The following SETD1A variants were observed in gnomAD, a reference collection of about 807,000 sequenced individuals.
The protein encoded by SETD1A is SET domain containing 1A, histone lysine methyltransferase.
A neutral mutation model predicts 149.9 loss-of-function variants in SETD1A; 29 were observed. The ratio of observed to expected loss-of-function variants is 0.19; its 90% CI spans 0.14 to 0.26. The LOEUF (loss-of-function observed/expected upper bound fraction) is 0.26. Among genes scored for constraint, SETD1A ranks in the 10% least tolerant of loss-of-function variants. The pLI is 1.00. For synonymous variants in SETD1A, 1,141 were observed against 968.5 expected (o/e 1.18, Z -3.31); for missense variants, 2,109 against 2,353.1 (o/e 0.90, Z 2.15).
rs1015848250 is a variant in SETD1A, at chr16:30,968,799, C to CA, written c.2771-495dup. Reference sequence around the variant, plus strand: ...CTGGCGACAAAGCGAGACTCCGTCTCAAAAAAAAAAATATATATATATATG... The same window carrying CA: ...CTGGCGACAAAGCGAGACTCCGTCTCAAAAAAAAAAAATATATATATATATG... On this transcript the variant is annotated intron_variant, in intron 10 of 18. Coordinates refer to ENST00000262519, the MANE Select transcript of SETD1A (RefSeq NM_014712.3). Among the ~76,000 whole-genome samples, 53 of 142,628 alleles carry CA rather than the reference C, an allele frequency of 3.7e-4. 1 individual carries two copies. Among genetic ancestry groups the CA allele is most frequent in the Middle Eastern group, 7.1e-3 (2 of 280 alleles). The allele number at this position is 142,628 out of a possible 152,430, so 93.6% of individuals were successfully genotyped here.
Position 30,966,987 on chromosome 16 carries a change from G to C in SETD1A, c.2609G>C (p.Gly870Ala). The C allele has an allele frequency of 6.3e-7, 1 of 1,595,844 alleles. No homozygotes were observed. The highest frequency in any genetic ancestry group is 8.5e-7 in the Non-Finnish European group (1 of 1,171,922). ...TCCCTCGTGGACTGGGCCAAGAGCG[G>C]GGGCACTACGGGCATCGAGGCTTTC... ...LLSLVDWAKS[G>A]GTTGIEAFAF... Residue 870 changes from glycine to alanine, a missense_variant, in exon 9 of 19, where the codon GGG becomes GCG. Transcript: ENST00000262519.
chr16:30,972,484 A>G (rs1243415931), intron 13 of SETD1A, among the ~76,000 whole-genome samples: 1 of 151,940 alleles, frequency 6.6e-6, no homozygotes, highest in Non-Finnish European at 1.5e-5. Flanking sequence ...AAAAAATACA[A>G]AAAATTAGCC....
intron 8 of SETD1A, 151 bp downstream of exon 8, chr16:30,966,537 G>A: frequency 8.1e-7 from 1 of 1,230,182 alleles, no homozygotes; most frequent in Non-Finnish European, 1.1e-6. Flanking sequence ...GGTGGGCAGG[G>A]GAGTTGAGGG....
rs1179678834 is a variant in SETD1A at position 30,980,958 on chromosome 16, G to A, written c.4693-103G>A. 3.8e-6 allele frequency: 6 copies of A among 1,576,744 alleles called. No individual in the cohort carries two copies. The East Asian group carries it at 1.1e-4, about 29-fold the overall frequency. On this transcript the variant is annotated intron_variant, in intron 16 of 18. Coordinates refer to ENST00000262519, the MANE Select transcript of SETD1A (RefSeq NM_014712.3). The surrounding 1 kb of genome is among the most constrained non-coding windows in gnomAD (Gnocchi z 7.7). ...TGTGGTTCCCTCGGGTGGAGTTGGG[G>A]GGTAAGCAGCCAGAACACCCTCTGC...
intron 13 of SETD1A, among the ~76,000 whole-genome samples, chr16:30,972,188 C>T (rs1020206567): frequency 6.6e-6 from 1 of 152,210 alleles, no homozygotes; most frequent in African/African-American, 2.4e-5. Context: ...GCTTAGCCTG[C>T]TGAGGGAACC....
chr16:30,967,595 A>G lies in SETD1A; in HGVS notation c.2770+7A>G. The G allele has an allele frequency of 6.2e-7, 1 of 1,612,944 alleles. No homozygotes were observed. The highest frequency in any genetic ancestry group is 8.5e-7 in the Non-Finnish European group (1 of 1,179,004). On this transcript the variant is annotated splice_region_variant and intron_variant, in intron 10 of 18. Transcript: ENST00000262519. ...GCTGAGGAAGATGAAGACGGTGAGC[A>G]GGGTCAGGCATAAGGAGAAGGGGTG...
Position 30,965,721 on chromosome 16 carries a change from C to T in SETD1A, c.1840C>T (p.Pro614Ser). Residue 614 changes from proline (P) to serine (S), a missense_variant, in exon 8 of 19, where the codon CCT (proline) becomes TCT (serine). By Grantham distance (74) the Pro-to-Ser change is moderately conservative. Coordinates refer to ENST00000262519, the MANE Select transcript of SETD1A (RefSeq NM_014712.3). ...PPPPPPPPPP[P>S]PPYLASLPLG... ...GCCACCTCCCCCTCCCCCGCCGCCT[C>T]CTCCTCCCTACCTGGCGTCCCTTCC... The T allele has an allele frequency of 1.3e-6, 2 of 1,589,026 alleles. No homozygotes were observed. Among genetic ancestry groups the T allele is most frequent in the South Asian group, 1.1e-5 (1 of 87,728 alleles).
In SETD1A at chr16:30,965,086, G is replaced by A. The variant is rs1483392386; in HGVS notation, c.1344G>A (p.Gly448=). Residue 448 remains glycine, a synonymous_variant, in exon 7 of 19, where the codon GGG becomes GGA. Transcript: ENST00000262519. ...CTGGTGGAGGCGGGGGTGGAGGAGG[G>A]CCCAGCCCTGAGAGAGAAGAAGTTC... ...PEPGGGGGGG[G]PSPEREEVRT... The A allele has an allele frequency of 1.9e-6, 3 of 1,611,104 alleles. No homozygotes were observed. Among genetic ancestry groups the A allele is most frequent in the Admixed American group, 1.7e-5 (1 of 59,950 alleles).
chr16:30,967,185 A>C (rs1247403815), intron 9 of SETD1A, 125 bp downstream of exon 9: 1 of 726,434 alleles, frequency 1.4e-6, no homozygotes, highest in Non-Finnish European at 2.2e-6. Flanking sequence ...ATGGAGTCTT[A>C]CTCTGTTGCC....
chr16:30,966,803 C>T (rs182852634), intron 8 of SETD1A, 81 bp from the exon 9 acceptor site: 1 of 1,432,486 alleles, frequency 7.0e-7, no homozygotes, highest in Non-Finnish European at 9.3e-7. Context: ...TTCTGTATTC[C>T]TGGGGTCCGG....
rs1420153452 is a variant in SETD1A at position 30,984,060 on chromosome 16, C to T, written c.*37C>T. ...ATGGGTGCCCACACCCCTATTTATT[C>T]CCCCTGGTGCCCTGAGCTCCCAGCA... On this transcript the variant is annotated 3_prime_UTR_variant, in exon 19 of 19. Coordinates refer to ENST00000262519, the MANE Select transcript of SETD1A (RefSeq NM_014712.3). 6.4e-7 allele frequency: 1 copy of T among 1,568,284 alleles called. No homozygotes were observed. The highest frequency in any genetic ancestry group is 8.7e-7 in the Non-Finnish European group (1 of 1,152,964).
Position 30,957,869 on chromosome 16 carries a change from C to T in SETD1A, c.-111C>T. The T allele has an allele frequency of 6.6e-6, 1 of 152,302 alleles. No individual in the cohort carries two copies. The highest frequency in any genetic ancestry group is 6.5e-5 in the Admixed American group (1 of 15,294). 9.4% of individuals were successfully genotyped at this position (152,302 alleles called of 1,614,324 possible). ...CTTCCGAGCCTCCCAGGGCGCCGGC[C>T]GAGGCGAAGCCGCTACCCTCGGCCC... On this transcript the variant is annotated 5_prime_UTR_variant, in exon 1 of 19. Transcript: ENST00000262519.
rs1176424242 is a variant in SETD1A, at chr16:30,959,141, C to G, written c.201C>G (p.Val67=). Residue 67 remains valine, a synonymous_variant, in exon 3 of 19, where the codon GTC becomes GTG. Transcript: ENST00000262519. Reference sequence around the variant, plus strand: ...ACCTCCAAGACCCCCGTTGCCATGTCAGGTCCAAAAACAGAGACTTTTCCC... The same window carrying G: ...ACCTCCAAGACCCCCGTTGCCATGTGAGGTCCAAAAACAGAGACTTTTCCC... ...VEDLQDPRCH[V]RSKNRDFSLP... 1 of 1,613,864 alleles carries G rather than the reference C, an allele frequency of 6.2e-7. No homozygotes were observed. The highest frequency in any genetic ancestry group is 1.7e-5 in the Admixed American group (1 of 60,026).
intron 13 of SETD1A, among the ~76,000 whole-genome samples, chr16:30,972,686 T>C (rs193157198): frequency 3.5e-4 from 51 of 144,282 alleles, no homozygotes; most frequent in African/African-American, 1.3e-3. Context: ...AAACCCTGTC[T>C]CTACAAAAAT....
chr16:30,982,983 G>C (rs982328891), intron 17 of SETD1A, among the ~76,000 whole-genome samples: 1 of 152,200 alleles, frequency 6.6e-6, no homozygotes, highest in African/African-American at 2.4e-5. Context: ...CAATGCCCCA[G>C]GGACATCTAG....
rs747007685 is a variant in SETD1A, at chr16:30,964,170, A to T, written c.716A>T (p.Asn239Ile). Residue 239 changes from asparagine to isoleucine, a missense_variant, in exon 6 of 19, where the codon AAC (asparagine) becomes ATC (isoleucine). Asn to Ile is a moderately radical substitution (Grantham distance 149). Transcript: ENST00000262519. The stretch of plus-strand genomic sequence containing the variant: ...ACCACTGCGGTGGGCACTCCTGGCA[A>T]CGGCACCCCCTGCTCCCAGGACACA... ...AGTTAVGTPG[N>I]GTPCSQDTSF... 4 of 1,613,786 alleles carry T rather than the reference A, an allele frequency of 2.5e-6. No individual in the cohort carries two copies. The highest frequency in any genetic ancestry group is 3.4e-6 in the Non-Finnish European group (4 of 1,179,936).
chr16:30,983,048 G>A lies in SETD1A; in HGVS notation c.4813-587G>A, dbSNP rs920647521. Among the ~76,000 whole-genome samples, 2 of 152,192 alleles carry A rather than the reference G, an allele frequency of 1.3e-5. No homozygotes were observed. Among genetic ancestry groups the A allele is most frequent in the African/African-American group, 2.4e-5 (1 of 41,436 alleles). Reference sequence around the variant, plus strand: ...GGCTTTTGGCTGGAAATGGAAGTTTGGGAGGAGTCCCCACCACATAGCTGG... The same window carrying A: ...GGCTTTTGGCTGGAAATGGAAGTTTAGGAGGAGTCCCCACCACATAGCTGG... On this transcript the variant is annotated intron_variant, in intron 17 of 18. Transcript: ENST00000262519. The surrounding 1 kb of genome is among the most constrained non-coding windows in gnomAD (Gnocchi z 6.8).
In SETD1A at chr16:30,961,268, T is replaced by C; in HGVS notation, c.248T>C (p.Leu83Pro). 2 of 1,614,134 alleles carry C rather than the reference T, an allele frequency of 1.2e-6. No homozygotes were observed. Among genetic ancestry groups the C allele is most frequent in the Non-Finnish European group, 1.7e-6 (2 of 1,180,004 alleles). The change falls in exon 4 of 19, where the codon CTG (leucine) becomes CCG (proline). Residue 83 changes from leucine to proline, a missense_variant and splice_region_variant. Around this residue, in one of 8 missense-constraint regions of SETD1A, gnomAD observed 62 missense variants for 149.5 expected, o/e 0.41. Coordinates refer to ENST00000262519, the MANE Select transcript of SETD1A (RefSeq NM_014712.3). The surrounding 1 kb of genome is among the most constrained non-coding windows in gnomAD (Gnocchi z 4.0). ...TACCAACTCCTGTTCTTTCCCCAGC[T>C]GGACGAGTTCTATATTGGACAGATT... ...DFSLPVPKFK[L>P]DEFYIGQIPL...
intron 3 of SETD1A, among the ~76,000 whole-genome samples, chr16:30,960,320 C>T (rs1162550945): frequency 6.6e-6 from 1 of 152,174 alleles, no homozygotes; most frequent in South Asian, 2.1e-4. Flanking sequence ...GACACCACAC[C>T]CCTGTGTTAC....
Sources: allele counts gnomAD v4.1 joint callset (sites outside exome capture counted in the v4.1 genomes callset), GRCh38; gene constraint gnomAD v4.1.1; regional missense constraint gnomAD v4.1.1; non-coding constraint Gnocchi (gnomAD v3.1); transcripts MANE v1.5; gene names NCBI Gene and HGNC (gene_info 2026-07-23, HGNC 2026-07-21).